LIPM: variants seen among roughly 807,000 people sequenced by gnomAD.
LIPM encodes the protein lipase family member M.
LIPM carries 42 observed loss-of-function variants against 42.4 expected under a neutral mutation model. The observed-to-expected ratio is 0.99, with a 90% CI of 0.77 to 1.28. The LOEUF (loss-of-function observed/expected upper bound fraction) is 1.28, where lower values mean the gene tolerates loss of function less well. LIPM is among the 50% of genes most tolerant of loss of function. The pLI is 0.00. For missense variants in LIPM, 524 were observed against 520.1 expected (o/e 1.01, Z -0.07); for synonymous variants, 177 against 173.3 (o/e 1.02, Z -0.17).
intron 8 of LIPM, among the ~76,000 whole-genome samples, chr10:88,819,054 A>AT (rs5786840): frequency 0.13 from 19,835 of 149,200 alleles, 3,664 homozygotes; most frequent in African/African-American, 0.41. Context: ...TGCTCAGCTA[A>AT]TTTTTTTTTT....
At chr10:88,804,293 T>A (rs954707901) in intron 1 of LIPM, among the ~76,000 whole-genome samples, 2 of 152,134 alleles carry the variant, frequency 1.3e-5, no homozygotes, top group East Asian at 1.9e-4. Context: ...ACAGAGATGA[T>A]CTTCCTGGGC....
rs1427469672 is a variant in LIPM, at chr10:88,815,312, C to T, written c.712-45C>T. 5 of 1,548,564 alleles carry T rather than the reference C, an allele frequency of 3.2e-6. No homozygotes were observed. The Admixed American group carries it at 7.9e-5, about 24-fold the overall frequency. On this transcript the variant is annotated intron_variant, in intron 5 of 8. Coordinates refer to ENST00000404743, the MANE Select transcript of LIPM (RefSeq NM_001128215.1). ...AACATAAACTTTTAAATTACAGTCA[C>T]ATCTTTTCTGTCTGTCATGTCTATG...
In LIPM at chr10:88,815,443, T is replaced by C; in HGVS notation, c.798T>C (p.Asp266=). The change falls in exon 6 of 9, where the codon GAT becomes GAC. Residue 266 remains aspartate, a synonymous_variant. Coordinates refer to ENST00000404743, the MANE Select transcript of LIPM (RefSeq NM_001128215.1). ...ACCTTTGTGGCCAGGTGATTCTTGA[T>C]CAGATTTGTAGTAATATCATGTTAC... ...VIYLCGQVIL[D]QICSNIMLLL... 3 of 1,551,530 alleles carry C rather than the reference T, an allele frequency of 1.9e-6. No homozygotes were observed. The highest frequency in any genetic ancestry group is 2.6e-6 in the Non-Finnish European group (3 of 1,146,864).
At position 88,803,060 on chromosome 10, in the gene LIPM, G is replaced by C. The variant is rs1484493763; in HGVS notation, c.147+17G>C. ...ATGAATATTGTAAGTTGGGATTTCT[G>C]GGAAATGAGGTACTTAACATGTTAA... On this transcript the variant is annotated intron_variant, in intron 1 of 8. Coordinates refer to ENST00000404743, the MANE Select transcript of LIPM (RefSeq NM_001128215.1). The C allele has an allele frequency of 6.5e-7, 1 of 1,549,024 alleles. No individual in the cohort carries two copies. The highest frequency in any genetic ancestry group is 1.7e-4 in the Middle Eastern group (1 of 5,982).
At chr10:88,806,275 A>C (rs1843585729) in intron 1 of LIPM, among the ~76,000 whole-genome samples, 1 of 151,914 alleles carries the variant, frequency 6.6e-6, no homozygotes, top group African/African-American at 2.4e-5. Context: ...GGCTCTTTTG[A>C]GCAACTTCTA....
At chr10:88,807,312 C>T (rs1212987560) in intron 1 of LIPM, among the ~76,000 whole-genome samples, 2 of 152,180 alleles carry the variant, frequency 1.3e-5, no homozygotes, top group African/African-American at 2.4e-5. Flanking sequence ...AGTGTTAAAA[C>T]TCAAACAGTG....
chr10:88,806,625 A>G (rs1048517045), intron 1 of LIPM, among the ~76,000 whole-genome samples: 2 of 152,166 alleles, frequency 1.3e-5, no homozygotes, highest in Admixed American at 6.5e-5. Flanking sequence ...GGGTCCCGCA[A>G]TTTGTGTTTT....
At position 88,813,186 on chromosome 10, in the gene LIPM, A is replaced by C. The variant is rs777867570; in HGVS notation, c.355A>C (p.Ile119Leu). Reference sequence around the variant, plus strand: ...CCTGCCCAACAATAGCCTGGGCTTCATTCTGGCAGATGCTGGTTTTGACGT... The same window carrying C: ...CCTGCCCAACAATAGCCTGGGCTTCCTTCTGGCAGATGCTGGTTTTGACGT... ...SNLPNNSLGF[I>L]LADAGFDVWM... The change falls in exon 3 of 9, where the codon ATT becomes CTT. Residue 119 changes from isoleucine to leucine, a missense_variant. Physicochemically the swap from Ile to Leu is conservative, Grantham distance 5. Transcript: ENST00000404743. The C allele has an allele frequency of 3.1e-6, 5 of 1,613,638 alleles. No homozygotes were observed. Among genetic ancestry groups the C allele is most frequent in the Non-Finnish European group, 4.2e-6 (5 of 1,179,824 alleles).
At chr10:88,814,130 GT>G (rs1404356771) in intron 3 of LIPM, among the ~76,000 whole-genome samples, 2 of 152,094 alleles carry the variant, frequency 1.3e-5, no homozygotes, top group Non-Finnish European at 2.9e-5. Context: ...ACCTATTGAT[GT>G]TCAACTCACT....
In LIPM at chr10:88,815,368, CA is replaced by C; in HGVS notation, c.729del (p.Glu244AsnfsTer20). On this transcript the variant is annotated frameshift_variant, in exon 6 of 9. Coordinates refer to ENST00000404743, the MANE Select transcript of LIPM (RefSeq NM_001128215.1). LOFTEE classifies it high-confidence loss of function. ...TCATATTTTCACAGGGATTGTTTGG[CA>C]AAAAAGAATTTCTGTATCAGACCAG... ...PDMMIKGLFG[K>X]KEFLYQTRFL... 6.4e-7 allele frequency: 1 copy of C among 1,551,330 alleles called. No individual in the cohort carries two copies.
chr10:88,803,316 T>G (rs1318106336), intron 1 of LIPM, among the ~76,000 whole-genome samples: 1 of 152,214 alleles, frequency 6.6e-6, no homozygotes, highest in East Asian at 1.9e-4. Flanking sequence ...GTTCATCCTA[T>G]GAGTGGAGAA....
chr10:88,816,976 A>C, intron 7 of LIPM, 89 bp downstream of exon 7: 2 of 937,358 alleles, frequency 2.1e-6, no homozygotes, highest in Non-Finnish European at 1.7e-6. Flanking sequence ...TAAGCCAGGG[A>C]TTATTTCACA....
At chr10:88,819,485 T>C (rs1843760844) in intron 8 of LIPM, among the ~76,000 whole-genome samples, 1 of 152,154 alleles carries the variant, frequency 6.6e-6, no homozygotes, top group South Asian at 2.1e-4. Flanking sequence ...CAAGACTCCA[T>C]GGTGGATTTC....
At chr10:88,808,151 G>A (rs1336437068) in intron 1 of LIPM, 147 bp from the exon 2 acceptor site, 1 of 584,786 alleles carries the variant, frequency 1.7e-6, no homozygotes, top group Non-Finnish European at 3.1e-6. Flanking sequence ...AGGGTTAGCA[G>A]ATTTTTCTAA....
chr10:88,812,486 A>T (rs1300780196), intron 2 of LIPM, among the ~76,000 whole-genome samples: 1 of 152,164 alleles, frequency 6.6e-6, no homozygotes, highest in Non-Finnish European at 1.5e-5. Context: ...GTATTTACTA[A>T]TTGGCATTCT....
At chr10:88,814,899 A>G (rs2034456191) in intron 4 of LIPM, among the ~76,000 whole-genome samples, 189 bp from the exon 5 acceptor site, 2 of 152,208 alleles carry the variant, frequency 1.3e-5, no homozygotes, top group African/African-American at 4.8e-5. Flanking sequence ...TCAATTATTT[A>G]TTTAACTCAT....
intron 8 of LIPM, among the ~76,000 whole-genome samples, chr10:88,818,785 A>G (rs1176674484): frequency 6.6e-6 from 1 of 152,090 alleles, no homozygotes; most frequent in Non-Finnish European, 1.5e-5. Context: ...TGGATAGTGA[A>G]CTCTCAATCT....
At chr10:88,813,424 C>T (rs1843678782) in intron 3 of LIPM, 129 bp downstream of exon 3, 2 of 714,596 alleles carry the variant, frequency 2.8e-6, no homozygotes, top group South Asian at 2.1e-5. Context: ...ATGATATCCC[C>T]CAGTTTTCTT....
intron 1 of LIPM, among the ~76,000 whole-genome samples, chr10:88,807,435 A>G (rs1453601696): frequency 6.6e-6 from 1 of 152,106 alleles, no homozygotes; most frequent in Non-Finnish European, 1.5e-5. Context: ...CCCTGATGCA[A>G]ATGGTTCTCT....
Sources: gnomAD v4.1 joint callset for allele counts (sites outside exome capture counted in the v4.1 genomes callset) on GRCh38, gnomAD v4.1.1 for gene constraint, MANE v1.5 for transcripts, NCBI Gene and HGNC (gene_info 2026-07-23, HGNC 2026-07-21) for gene names.